Variants in FYB1 observed in about 807,000 individuals in gnomAD.
The protein encoded by FYB1 is FYN-binding protein 1.
A neutral mutation model predicts 94.1 loss-of-function variants in FYB1; 41 were observed. The observed-to-expected ratio is 0.44, with a 90% CI of 0.34 to 0.57. FYB1 has a LOEUF of 0.57. FYB1 is among the 20% of genes least tolerant of loss of function. The probability of loss-of-function intolerance (pLI) is 0.02; values close to 1 mark genes in which losing one functional copy is unlikely to be tolerated. For synonymous variants in FYB1, 367 were observed against 353.2 expected, an observed-to-expected ratio of 1.04 and a Z score of -0.44; for missense variants, 1,050 against 976.8, an observed-to-expected ratio of 1.07 and a Z score of -1.00.
chr5:39,271,987 C>G (rs1752681228), intron 1 of FYB1, among the ~76,000 whole-genome samples: 1 of 152,034 alleles, frequency 6.6e-6, no homozygotes, highest in Admixed American at 6.6e-5. Flanking sequence ...AGCCTCTTAT[C>G]TACTGTCTGT....
chr5:39,197,166 C>T (rs974072833), intron 2 of FYB1, among the ~76,000 whole-genome samples: 1 of 152,122 alleles, frequency 6.6e-6, no homozygotes, highest in African/African-American at 2.4e-5. Flanking sequence ...TTACTTCTAA[C>T]AAGAAAAAAT....
chr5:39,229,447 C>G (rs1047070081), intron 1 of FYB1, among the ~76,000 whole-genome samples: 4 of 152,186 alleles, frequency 2.6e-5, no homozygotes, highest in African/African-American at 9.6e-5. Context: ...CTCACCTGAA[C>G]TGTGTCCATT....
At chr5:39,270,348 T>C (rs1752621859) in intron 1 of FYB1, among the ~76,000 whole-genome samples, 1 of 152,176 alleles carries the variant, frequency 6.6e-6, no homozygotes. Context: ...TCCCCTATTC[T>C]GAAGGCTAGA....
intron 6 of FYB1, chr5:39,137,942 C>A (rs1340383450): frequency 7.5e-6 from 4 of 530,232 alleles, no homozygotes; most frequent in Non-Finnish European, 1.3e-5. Context: ...CTTTCCCTGA[C>A]AACTTGTGCC....
At chr5:39,137,487 G>T (rs1281439912) in intron 7 of FYB1, 113 bp downstream of exon 7, 1 of 1,227,676 alleles carries the variant, frequency 8.1e-7, no homozygotes, top group Non-Finnish European at 1.1e-6. Context: ...ACTCTTTAGA[G>T]AATAATGAAT....
chr5:39,177,997 C>T (rs973257380), intron 2 of FYB1, among the ~76,000 whole-genome samples: 1 of 152,190 alleles, frequency 6.6e-6, no homozygotes, highest in Non-Finnish European at 1.5e-5. Flanking sequence ...CCTGCAAACA[C>T]AAAATATTTT....
chr5:39,143,237 C>G (rs1742341244), intron 3 of FYB1, among the ~76,000 whole-genome samples: 1 of 151,932 alleles, frequency 6.6e-6, no homozygotes, highest in Non-Finnish European at 1.5e-5. Context: ...TCCTTTTAGC[C>G]CAGCCTAAAC....
chr5:39,136,132 C>T (rs918590503), intron 7 of FYB1, among the ~76,000 whole-genome samples: 11 of 152,048 alleles, frequency 7.2e-5, no homozygotes, highest in Admixed American at 5.9e-4. Context: ...TGCCGAGGCC[C>T]GATCTCAGCT....
At chr5:39,206,882 C>T (rs1388983015) in intron 1 of FYB1, among the ~76,000 whole-genome samples, 1 of 152,112 alleles carries the variant, frequency 6.6e-6, no homozygotes, top group Non-Finnish European at 1.5e-5. Context: ...CTGCACCTTG[C>T]CTTTTTCTAG....
chr5:39,112,285 T>A (rs1739141186), intron 16 of FYB1, among the ~76,000 whole-genome samples: 3 of 151,980 alleles, frequency 2.0e-5, no homozygotes, highest in Admixed American at 1.3e-4. Context: ...TCATTTTGGA[T>A]TTTTTCCTAA....
intron 1 of FYB1, among the ~76,000 whole-genome samples, chr5:39,256,633 T>A (rs564734581): frequency 6.6e-6 from 1 of 152,176 alleles, no homozygotes; most frequent in Non-Finnish European, 1.5e-5. Flanking sequence ...ACCCTCACAG[T>A]CTTTTTTGTT....
At chr5:39,155,899 T>C (rs1284524360) in intron 2 of FYB1, among the ~76,000 whole-genome samples, 1 of 152,206 alleles carries the variant, frequency 6.6e-6, no homozygotes, top group Non-Finnish European at 1.5e-5. Context: ...GTCTAGTGAA[T>C]GTGACAGATG....
chr5:39,251,306 T>C (rs1311438045), intron 1 of FYB1, among the ~76,000 whole-genome samples: 1 of 152,192 alleles, frequency 6.6e-6, no homozygotes, highest in Non-Finnish European at 1.5e-5. Flanking sequence ...AAATACCCTA[T>C]AGACCACACT....
chr5:39,173,460 G>A (rs1240865222), intron 2 of FYB1, among the ~76,000 whole-genome samples: 4 of 152,040 alleles, frequency 2.6e-5, no homozygotes, highest in Non-Finnish European at 4.4e-5. Context: ...GTCTGTTTTT[G>A]TTACTGCTGC....
At chr5:39,255,921 C>T (rs1424840550) in intron 1 of FYB1, among the ~76,000 whole-genome samples, 1 of 152,218 alleles carries the variant, frequency 6.6e-6, no homozygotes. Context: ...CCACACTCAA[C>T]CAGCTAGCTT....
At chr5:39,209,140 T>C (rs926206545) in intron 1 of FYB1, among the ~76,000 whole-genome samples, 1 of 151,966 alleles carries the variant, frequency 6.6e-6, no homozygotes, top group Admixed American at 6.6e-5. Flanking sequence ...AATCTGAAAA[T>C]AAACTTTCAT....
chr5:39,153,427 G>T, intron 3 of FYB1, 21 bp downstream of exon 3: 1 of 1,610,832 alleles, frequency 6.2e-7, no homozygotes, highest in Non-Finnish European at 8.5e-7. Context: ...GAAAGAAATC[G>T]CAAGATAATC....
intron 1 of FYB1, chr5:39,270,654 A>C (rs925660224): frequency 1.1e-4 from 144 of 1,364,096 alleles, no homozygotes; most frequent in Non-Finnish European, 1.4e-4. Flanking sequence ...CAAGTTAGCT[A>C]TGCAGAGTGT....
chr5:39,133,351 C>A (rs1157858752), intron 9 of FYB1, among the ~76,000 whole-genome samples: 1 of 152,092 alleles, frequency 6.6e-6, no homozygotes, highest in Non-Finnish European at 1.5e-5. Flanking sequence ...TGAACTGGAC[C>A]AGAGATTTTC....
Sources: gnomAD v4.1 joint callset for allele counts (sites outside exome capture counted in the v4.1 genomes callset) on GRCh38, gnomAD v4.1.1 for gene constraint, MANE v1.5 for transcripts, NCBI Gene and HGNC (gene_info 2026-07-23, HGNC 2026-07-21) for gene names.